SLCO5A1: variants seen among roughly 807,000 people sequenced by gnomAD.
SLCO5A1 encodes organic anion transporter polypeptide-related protein 4.
In SLCO5A1, 39 loss-of-function variants were observed where a neutral mutation model predicts 65.1. The ratio of observed to expected loss-of-function variants is 0.60; its 90% CI spans 0.46 to 0.78. The LOEUF is 0.78. SLCO5A1 is among the 30% of genes least tolerant of loss of function. SLCO5A1 has a pLI of 0.00. For missense variants in SLCO5A1, 1,029 were observed against 1,069.4 expected (o/e 0.96, Z 0.53); for synonymous variants, 438 against 415.7 (o/e 1.05, Z -0.65).
intron 6 of SLCO5A1, among the ~76,000 whole-genome samples, chr8:69,704,059 C>CT (rs1380997121): frequency 3.3e-5 from 5 of 151,354 alleles, no homozygotes; most frequent in Non-Finnish European, 7.4e-5. Context: ...CAAATCAGGG[C>CT]TTTTTTTTAC....
At chr8:69,700,940 T>C (rs1586700027) in intron 6 of SLCO5A1, among the ~76,000 whole-genome samples, 2 of 150,788 alleles carry the variant, frequency 1.3e-5, no homozygotes, top group African/African-American at 2.4e-5. Flanking sequence ...AATGAGGGAG[T>C]AAATCAAAAA....
At chr8:69,759,133 A>C (rs1051036565) in intron 3 of SLCO5A1, among the ~76,000 whole-genome samples, 9 of 152,138 alleles carry the variant, frequency 5.9e-5, no homozygotes, top group African/African-American at 9.7e-5. Context: ...AGCATTATTC[A>C]TTCCTTCCTT....
At chr8:69,740,013 C>T (rs140521316) in intron 4 of SLCO5A1, among the ~76,000 whole-genome samples, 13 of 152,244 alleles carry the variant, frequency 8.5e-5, no homozygotes, top group African/African-American at 2.9e-4. Context: ...TTAAGAAATA[C>T]TGGTTATATT....
intron 5 of SLCO5A1, among the ~76,000 whole-genome samples, chr8:69,709,767 G>A (rs1314019612): frequency 6.6e-6 from 1 of 152,104 alleles, no homozygotes; most frequent in East Asian, 1.9e-4. Flanking sequence ...TGTGGCCAAG[G>A]GTTGGAAAAA....
At position 69,800,198 on chromosome 8, in the gene SLCO5A1, C is replaced by T. The variant is rs757165394; in HGVS notation, c.907+31569G>A. On this transcript the variant is annotated intron_variant, in intron 2 of 9. Coordinates refer to ENST00000260126, the MANE Select transcript of SLCO5A1 (RefSeq NM_030958.3). ...GTGAACATTCCTGATTTATCTGATT[C>T]GGAAAAGCCTTGGTATTTTACATTT... is the stretch of plus-strand genomic sequence containing the variant. Among the ~76,000 whole-genome samples, 4 of 147,010 alleles carry T rather than the reference C, an allele frequency of 2.7e-5. No homozygotes were observed. The South Asian group carries it at 6.5e-4, about 24-fold the overall frequency.
intron 6 of SLCO5A1, among the ~76,000 whole-genome samples, chr8:69,694,787 A>G (rs951381667): frequency 1.4e-4 from 21 of 152,244 alleles, no homozygotes; most frequent in African/African-American, 5.1e-4. Context: ...CAATTTATAA[A>G]GTTCCTTTAA....
chr8:69,764,015 C>A lies in SLCO5A1; in HGVS notation c.908-2140G>T, dbSNP rs192587319. Among the ~76,000 whole-genome samples, 232 of 152,278 alleles carry A rather than the reference C, an allele frequency of 1.5e-3. 1 individual carries two copies. Among genetic ancestry groups the A allele is most frequent in the Middle Eastern group, 6.8e-3 (2 of 294 alleles). On this transcript the variant is annotated intron_variant, in intron 2 of 9. Transcript: ENST00000260126. Reference sequence around the variant, plus strand: ...CAGTAGCTGGGATTACAGGCACCTGCCATCGCACCGGGCTAATTTTTGTAT... The same window carrying A: ...CAGTAGCTGGGATTACAGGCACCTGACATCGCACCGGGCTAATTTTTGTAT...
chr8:69,746,385 G>A (rs1378824802), intron 4 of SLCO5A1, among the ~76,000 whole-genome samples: 2 of 152,082 alleles, frequency 1.3e-5, no homozygotes, highest in African/African-American at 4.8e-5. Flanking sequence ...TGAGAGAAGA[G>A]TGATCGAACA....
chr8:69,800,798 T>G (rs1198625070), intron 2 of SLCO5A1, among the ~76,000 whole-genome samples: 3 of 152,216 alleles, frequency 2.0e-5, no homozygotes, highest in Admixed American at 1.3e-4. Context: ...CACCAGAACG[T>G]TGCCACCCCT....
Position 69,800,881 on chromosome 8 carries a change from G to A in SLCO5A1, c.907+30886C>T, listed in dbSNP as rs1819705878. On this transcript the variant is annotated intron_variant, in intron 2 of 9. Coordinates refer to ENST00000260126, the MANE Select transcript of SLCO5A1 (RefSeq NM_030958.3). ...GGATATATACCTTGCAGAACTACAT[G>A]GGACTGTTTGGCCACAATTGGTCAC... is the stretch of plus-strand genomic sequence containing the variant. Among the ~76,000 whole-genome samples, 5 of 152,280 alleles carry A rather than the reference G, an allele frequency of 3.3e-5. No homozygotes were observed. The South Asian group carries it at 1.0e-3, about 32-fold the overall frequency.
At chr8:69,706,833 T>C (rs1814991457) in intron 5 of SLCO5A1, among the ~76,000 whole-genome samples, 1 of 152,232 alleles carries the variant, frequency 6.6e-6, no homozygotes, top group African/African-American at 2.4e-5. Context: ...CTTCTGGGTA[T>C]GTTATTTTTC....
chr8:69,690,700 A>G (rs1030533956), intron 6 of SLCO5A1, among the ~76,000 whole-genome samples: 1 of 152,214 alleles, frequency 6.6e-6, no homozygotes, highest in Non-Finnish European at 1.5e-5. Flanking sequence ...CAGAGAAGAT[A>G]CTTTAGGGAA....
At chr8:69,703,470 C>T (rs927147252) in intron 6 of SLCO5A1, among the ~76,000 whole-genome samples, 12 of 152,116 alleles carry the variant, frequency 7.9e-5, no homozygotes, top group African/African-American at 2.4e-4. Context: ...CACTTGTGAC[C>T]GGGAGTTCAA....
chr8:69,699,505 G>A (rs1402057809), intron 6 of SLCO5A1, among the ~76,000 whole-genome samples: 1 of 152,084 alleles, frequency 6.6e-6, no homozygotes, highest in Non-Finnish European at 1.5e-5. Context: ...AACTCCAGTT[G>A]TATCCACCTC....
intron 5 of SLCO5A1, among the ~76,000 whole-genome samples, chr8:69,720,092 T>A (rs1168011580): frequency 1.3e-5 from 2 of 152,234 alleles, no homozygotes; most frequent in Non-Finnish European, 2.9e-5. Context: ...AATCATCTAA[T>A]CTTCTCCCCT....
intron 5 of SLCO5A1, among the ~76,000 whole-genome samples, chr8:69,714,169 A>G (rs998115213): frequency 2.0e-5 from 3 of 152,216 alleles, no homozygotes; most frequent in Admixed American, 6.5e-5. Context: ...CAATCCCTTC[A>G]TAAACAATGA....
In SLCO5A1 at chr8:69,831,984, C is replaced by A. The variant is rs775393298; in HGVS notation, c.690G>T (p.Ser230=). The A allele has an allele frequency of 1.3e-6, 2 of 1,594,228 alleles. No individual in the cohort carries two copies. Among genetic ancestry groups the A allele is most frequent in the Admixed American group, 3.5e-5 (2 of 57,410 alleles). ...PPYQIQELNA[S]APNDGLCQGG... is the part of the protein sequence containing the mutation. ...CCTGACACAGGCCGTCGTTGGGGGC[C>A]GAGGCGTTCAACTCTTGGATCTGGT... The change falls in exon 2 of 10, where the codon TCG becomes TCT. Residue 230 remains serine, a synonymous_variant. Transcript: ENST00000260126.
chr8:69,705,007 A>G, intron 6 of SLCO5A1, 24 bp downstream of exon 6: 2 of 1,602,568 alleles, frequency 1.2e-6, no homozygotes, highest in Non-Finnish European at 1.7e-6. Flanking sequence ...TGCAGACACG[A>G]CACGGCTCTT....
intron 5 of SLCO5A1, among the ~76,000 whole-genome samples, chr8:69,719,995 A>G (rs1815742958): frequency 6.6e-6 from 1 of 152,212 alleles, no homozygotes; most frequent in Non-Finnish European, 1.5e-5. Context: ...ATTGGGTAGA[A>G]ATTACTAGAA....
Sources: gnomAD v4.1 joint callset for allele counts (sites outside exome capture counted in the v4.1 genomes callset) on GRCh38, gnomAD v4.1.1 for gene constraint, MANE v1.5 for transcripts, NCBI Gene and HGNC (gene_info 2026-07-23, HGNC 2026-07-21) for gene names.